Variants in TEX15 observed in about 807,000 individuals in gnomAD.
The protein encoded by TEX15 is testis expressed 15, meiosis and synapsis associated, also known as testis-expressed protein 15.
A neutral mutation model predicts 237.3 loss-of-function variants in TEX15; 171 were observed. The observed-to-expected ratio is 0.72, with a 90% CI of 0.64 to 0.82. The LOEUF (loss-of-function observed/expected upper bound fraction) is 0.82. TEX15 is among the 40% of genes least tolerant of loss of function. The probability of loss-of-function intolerance (pLI) is 0.00; values close to 1 mark genes in which losing one functional copy is unlikely to be tolerated. For missense variants in TEX15, 3,750 were observed against 3,646.5 expected, an observed-to-expected ratio of 1.03 and a Z score of -0.73; for synonymous variants, 1,338 against 1,269.8, an observed-to-expected ratio of 1.05 and a Z score of -1.14.
chr8:30,858,743 G>A lies in TEX15; in HGVS notation c.775C>T (p.Leu259Phe). The change falls in exon 7 of 11, where the codon CTT (leucine) becomes TTT (phenylalanine). Residue 259 changes from leucine (L) to phenylalanine (F), a missense_variant. Coordinates refer to ENST00000643185, the MANE Select transcript of TEX15 (RefSeq NM_001350162.2). ...LPYAVVTVKF[L>F]GSKVDNGRLM... ...CGTCCATTATCTACTTTTGAACCAAGAAATTTTACTGTTACTACAGCATAT... is the reference window on the plus strand; with the variant it reads ...CGTCCATTATCTACTTTTGAACCAAAAAATTTTACTGTTACTACAGCATAT... 1.3e-6 allele frequency: 2 copies of A among 1,535,728 alleles called. No individual in the cohort carries two copies. The highest frequency in any genetic ancestry group is 2.7e-5 in the African/African-American group (2 of 73,128).
rs548011487 is a variant in TEX15 at position 30,846,411 on chromosome 8, C to A, written c.3756G>T (p.Thr1252=). Residue 1252 remains threonine (T), a synonymous_variant, in exon 8 of 11, where the codon ACG becomes ACT. Transcript: ENST00000643185. ...AAGATTCACTGTTCTGATTTTCAGA[C>A]GTATGATTCACATCTGTATTACGAC... ...DLSRNTDVNH[T]SENQNSESLF... is the part of the protein sequence containing the mutation. The A allele has an allele frequency of 8.1e-6, 13 of 1,613,336 alleles. No individual in the cohort carries two copies. Among genetic ancestry groups the A allele is most frequent in the African/African-American group, 1.3e-5 (1 of 75,012 alleles).
At chr8:30,903,584 A>G (rs1317651502) in intron 1 of TEX15, among the ~76,000 whole-genome samples, 1 of 152,206 alleles carries the variant, frequency 6.6e-6, no homozygotes, top group East Asian at 1.9e-4. Flanking sequence ...AAATAGACCC[A>G]CTCTACCATA....
intron 9 of TEX15, among the ~76,000 whole-genome samples, chr8:30,839,362 T>C (rs899342461): frequency 1.3e-5 from 2 of 152,156 alleles, no homozygotes; most frequent in Non-Finnish European, 2.9e-5. Flanking sequence ...CGTATGGGAA[T>C]TGATGACTAT....
chr8:30,846,153 ACACT>A lies in TEX15; in HGVS notation c.4010_4013del (p.Glu1337ValfsTer24). 6.2e-7 allele frequency: 1 copy of A among 1,613,522 alleles called. No individual in the cohort carries two copies. Among genetic ancestry groups the A allele is most frequent in the Non-Finnish European group, 8.5e-7 (1 of 1,179,622 alleles). ...TTCGTCCTTGGGATAATGAAGAGAA[ACACT>A]CAGATGAGTCTTGACTGGTTAGCCT... On this transcript the variant is annotated frameshift_variant, in exon 8 of 11. Coordinates refer to ENST00000643185, the MANE Select transcript of TEX15 (RefSeq NM_001350162.2). LOFTEE classifies it high-confidence loss of function.
intron 1 of TEX15, among the ~76,000 whole-genome samples, chr8:30,907,550 CA>C (rs1313136619): frequency 9.7e-6 from 1 of 102,956 alleles, no homozygotes; most frequent in Non-Finnish European, 1.8e-5. Flanking sequence ...AATGTATATA[CA>C]AAATTTATAT....
chr8:30,833,342 C>A lies in TEX15; in HGVS notation c.9482-19G>T. 1 of 1,573,440 alleles carries A rather than the reference C, an allele frequency of 6.4e-7. No homozygotes were observed. Among genetic ancestry groups the A allele is most frequent in the Non-Finnish European group, 8.7e-7 (1 of 1,153,760 alleles). On this transcript the variant is annotated intron_variant, in intron 10 of 10. Transcript: ENST00000643185. The stretch of plus-strand genomic sequence containing the variant: ...CATGGAGCTGGAAGAAAAAACACCA[C>A]AAAGATTTAAATAAATAATTTAGAC...
chr8:30,835,084 C>T (rs1807261279), intron 10 of TEX15, among the ~76,000 whole-genome samples: 3 of 152,046 alleles, frequency 2.0e-5, no homozygotes. Context: ...CCCTAGGCAA[C>T]ACAGTAAGAC....
chr8:30,847,526 T>C lies in TEX15; in HGVS notation c.2641A>G (p.Asn881Asp). The stretch of plus-strand genomic sequence containing the variant: ...TCCTGCTTTTTGTCTCCATATATGT[T>C]CTCTATGTTGTTTTCTACACATGAA... ...SASCVENNIE[N>D]IYGDKKQDSH... is the part of the protein sequence containing the mutation. The change falls in exon 8 of 11, where the codon AAC (asparagine) becomes GAC (aspartate). Residue 881 changes from asparagine to aspartate, a missense_variant. By Grantham distance (23) the Asn-to-Asp change is conservative (BLOSUM62 1). Coordinates refer to ENST00000643185, the MANE Select transcript of TEX15 (RefSeq NM_001350162.2). The C allele has an allele frequency of 6.2e-7, 1 of 1,613,362 alleles. No individual in the cohort carries two copies. Among genetic ancestry groups the C allele is most frequent in the Non-Finnish European group, 8.5e-7 (1 of 1,179,846 alleles).
chr8:30,907,795 G>C (rs1809140467), intron 1 of TEX15, among the ~76,000 whole-genome samples: 1 of 139,020 alleles, frequency 7.2e-6, no homozygotes, highest in Non-Finnish European at 1.6e-5. Context: ...AAAAAAGCCA[G>C]GCATGGTGGC....
In TEX15 at chr8:30,843,917, G is replaced by C. The variant is rs1205555674; in HGVS notation, c.6250C>G (p.Gln2084Glu). The C allele has an allele frequency of 4.3e-6, 7 of 1,612,638 alleles. No individual in the cohort carries two copies. Among genetic ancestry groups the C allele is most frequent in the Non-Finnish European group, 5.9e-6 (7 of 1,179,608 alleles). ...TGCCTTTTTTTGTTTTCAATGAATT[G>C]AATTGTTTCCATCATCATTTGAAGT... ...VELQMMMETI[Q>E]FIENKKRHLE... The change falls in exon 8 of 11, where the codon CAA becomes GAA. Residue 2084 changes from glutamine (Q) to glutamate (E), a missense_variant. Coordinates refer to ENST00000643185, the MANE Select transcript of TEX15 (RefSeq NM_001350162.2).
chr8:30,870,258 C>G (rs879441756), intron 4 of TEX15, among the ~76,000 whole-genome samples: 1 of 151,908 alleles, frequency 6.6e-6, no homozygotes, highest in Non-Finnish European at 1.5e-5. Flanking sequence ...TCTTGTATAT[C>G]TTTTTGTAGA....
chr8:30,844,749 C>T lies in TEX15; in HGVS notation c.5418G>A (p.Gly1806=), dbSNP rs1807553709. 1.2e-6 allele frequency: 2 copies of T among 1,613,068 alleles called. No homozygotes were observed. Among genetic ancestry groups the T allele is most frequent in the Non-Finnish European group, 8.5e-7 (1 of 1,179,566 alleles). Residue 1806 remains glycine (G), a synonymous_variant, in exon 8 of 11, where the codon GGG becomes GGA. Transcript: ENST00000643185. The part of the protein sequence containing the change: ...ASGTEEDKSY[G]ENIVELSSSD... ...TGGAAGATAATTCCACTATATTTTC[C>T]CCATAACTTTTATCTTCTTCAGTTC...
At chr8:30,903,416 T>C (rs1051088642) in intron 1 of TEX15, among the ~76,000 whole-genome samples, 5 of 152,182 alleles carry the variant, frequency 3.3e-5, no homozygotes, top group African/African-American at 1.2e-4. Context: ...CTTTGGAGTC[T>C]AGGAGCTGCA....
chr8:30,855,361 A>G (rs1807887386), intron 7 of TEX15, among the ~76,000 whole-genome samples: 1 of 152,208 alleles, frequency 6.6e-6, no homozygotes, highest in Non-Finnish European at 1.5e-5. Context: ...CTTAGAAATA[A>G]GCTTAACAAA....
rs1349390774 is a variant in TEX15 at position 30,833,330 on chromosome 8, G to GA, written c.9482-8dup. The GA allele has an allele frequency of 2.5e-6, 4 of 1,586,928 alleles. No individual in the cohort carries two copies. Among genetic ancestry groups the GA allele is most frequent in the Middle Eastern group, 3.4e-4 (2 of 5,962 alleles). ...GATTCTTGGTGCCATGGAGCTGGAA[G>GA]AAAAAACACCACAAAGATTTAAATA... On this transcript the variant is annotated splice_polypyrimidine_tract_variant and splice_region_variant and intron_variant, in intron 10 of 10. Coordinates refer to ENST00000643185, the MANE Select transcript of TEX15 (RefSeq NM_001350162.2).
At chr8:30,885,659 T>C (rs1357131402) in intron 3 of TEX15, among the ~76,000 whole-genome samples, 2 of 152,226 alleles carry the variant, frequency 1.3e-5, no homozygotes, top group African/African-American at 2.4e-5. Flanking sequence ...GAGTCCTGTG[T>C]GTGCTTGAGA....
At chr8:30,906,594 GA>G (rs34052778) in intron 1 of TEX15, among the ~76,000 whole-genome samples, 43,460 of 96,604 alleles carry the variant, frequency 0.45, 9,775 homozygotes, top group African/African-American at 0.72. Flanking sequence ...CATCTCAAAA[GA>G]AAAAAAAAAA....
At chr8:30,885,048 T>C (rs1808615249) in intron 3 of TEX15, among the ~76,000 whole-genome samples, 1 of 152,246 alleles carries the variant, frequency 6.6e-6, no homozygotes, top group Admixed American at 6.5e-5. Flanking sequence ...TATTTTAACA[T>C]TTCTCCTGAG....
chr8:30,897,141 C>T (rs1452037975), intron 2 of TEX15, among the ~76,000 whole-genome samples: 2 of 152,214 alleles, frequency 1.3e-5, no homozygotes, highest in East Asian at 1.9e-4. Flanking sequence ...AACAAGAAGT[C>T]GGCAGACGTA....
Sources: gnomAD v4.1 joint callset for allele counts (sites outside exome capture counted in the v4.1 genomes callset) on GRCh38, gnomAD v4.1.1 for gene constraint, MANE v1.5 for transcripts, NCBI Gene and HGNC (gene_info 2026-07-23, HGNC 2026-07-21) for gene names.